The following PAK5 variants were observed in gnomAD, a reference collection of about 807,000 sequenced individuals.
The protein encoded by PAK5 is p21 (RAC1) activated kinase 5.
A neutral mutation model predicts 65.9 loss-of-function variants in PAK5; 16 were observed. That is an observed-to-expected ratio of 0.24 (90% confidence interval 0.16 to 0.37). PAK5 has a LOEUF of 0.37. Among genes scored for constraint, PAK5 ranks in the 10% least tolerant of loss-of-function variants. PAK5 has a pLI of 1.00. For missense variants in PAK5, 785 were observed against 903.9 expected (o/e 0.87, Z 1.69); for synonymous variants, 371 against 354.9 (o/e 1.05, Z -0.51).
intron 2 of PAK5, among the ~76,000 whole-genome samples, chr20:9,682,745 T>G (rs975467936): frequency 6.6e-6 from 1 of 152,084 alleles, no homozygotes; most frequent in Non-Finnish European, 1.5e-5. Context: ...CTTAAATAGG[T>G]GTAAGAAGGG....
intron 1 of PAK5, among the ~76,000 whole-genome samples, chr20:9,811,178 TC>T (rs1376893745): frequency 2.0e-5 from 3 of 152,110 alleles, no homozygotes; most frequent in African/African-American, 7.2e-5. Context: ...TGGCCAATGA[TC>T]CCCTCCTTAT....
At chr20:9,672,664 A>T (rs2047516116) in intron 2 of PAK5, among the ~76,000 whole-genome samples, 1 of 152,052 alleles carries the variant, frequency 6.6e-6, no homozygotes, top group Non-Finnish European at 1.5e-5. Context: ...CTTACAAATT[A>T]CCCAGTCTCG....
chr20:9,552,285 A>G (rs1216086412), intron 7 of PAK5, among the ~76,000 whole-genome samples: 1 of 152,212 alleles, frequency 6.6e-6, no homozygotes, highest in African/African-American at 2.4e-5. Context: ...GAATTTGTCA[A>G]AGTCAGTCAC....
In PAK5 at chr20:9,597,144, C is replaced by T. The variant is rs190103312; in HGVS notation, c.205-16214G>A. On this transcript the variant is annotated intron_variant, in intron 3 of 9. Transcript: ENST00000353224. ...CTAGTGCAAGTTCCATCTGTGGCAACTATGAAGCCTTCACCAAATCACTTT... is the reference window on the plus strand; with the variant it reads ...CTAGTGCAAGTTCCATCTGTGGCAATTATGAAGCCTTCACCAAATCACTTT... Among the ~76,000 whole-genome samples, 435 of 152,346 alleles carry T rather than the reference C, an allele frequency of 2.9e-3. 3 individuals are homozygous for T. Among genetic ancestry groups the T allele is most frequent in the Middle Eastern group, 0.017 (5 of 294 alleles).
At position 9,553,080 on chromosome 20, in the gene PAK5, C is replaced by A. The variant is rs146070949; in HGVS notation, c.1743+4528G>T. On this transcript the variant is annotated intron_variant, in intron 7 of 9. Coordinates refer to ENST00000353224, the MANE Select transcript of PAK5 (RefSeq NM_177990.4). ...TCCACAGGAAGTTGCAACGTGCACC[C>A]GTCTCTCCCTAGTATTCGCATCTTA... Among the ~76,000 whole-genome samples, 775 of 152,158 alleles carry A rather than the reference C, an allele frequency of 5.1e-3. 4 individuals are homozygous for A. Among genetic ancestry groups the A allele is most frequent in the East Asian group, 0.032 (167 of 5,168 alleles).
At chr20:9,609,078 C>G (rs923734128) in intron 3 of PAK5, among the ~76,000 whole-genome samples, 2 of 152,136 alleles carry the variant, frequency 1.3e-5, no homozygotes, top group East Asian at 3.8e-4. Flanking sequence ...ATGAGAGAAC[C>G]GCTTCTCTTT....
chr20:9,742,578 C>T (rs943150600), intron 1 of PAK5, among the ~76,000 whole-genome samples: 1 of 152,208 alleles, frequency 6.6e-6, no homozygotes, highest in South Asian at 2.1e-4. Flanking sequence ...ATTCCACTCA[C>T]AACCTTTGCT....
At chr20:9,706,361 G>C (rs2048006909) in intron 2 of PAK5, among the ~76,000 whole-genome samples, 1 of 152,152 alleles carries the variant, frequency 6.6e-6, no homozygotes, top group East Asian at 1.9e-4. Flanking sequence ...GTCACATGCT[G>C]AAAAGTTATT....
At chr20:9,603,649 A>G (rs1200806134) in intron 3 of PAK5, among the ~76,000 whole-genome samples, 1 of 152,242 alleles carries the variant, frequency 6.6e-6, no homozygotes, top group African/African-American at 2.4e-5. Context: ...CTGACTCCAG[A>G]TAGCTTATGG....
At position 9,815,421 on chromosome 20, in the gene PAK5, T is replaced by C. The variant is rs73600264; in HGVS notation, c.-162+23341A>G. On this transcript the variant is annotated intron_variant, in intron 1 of 9. Transcript: ENST00000353224. ...GAAGAAAGTCATGATTAGGCCTCAG[T>C]TGACATTACTGGGCCATCCCTCCCT... Among the ~76,000 whole-genome samples, 595 of 152,240 alleles carry C rather than the reference T, an allele frequency of 3.9e-3. 12 individuals are homozygous for C. Among genetic ancestry groups the C allele is most frequent in the East Asian group, 0.035 (181 of 5,184 alleles).
rs140088329 is a variant in PAK5, at chr20:9,683,226, C to T, written c.-12+28060G>A. On this transcript the variant is annotated intron_variant, in intron 2 of 9. Coordinates refer to ENST00000353224, the MANE Select transcript of PAK5 (RefSeq NM_177990.4). The stretch of plus-strand genomic sequence containing the variant: ...GGTTCCTGCCTCTGGCTCTGTTCTC[C>T]GAAGGAATGGAAAAATACATGCCCC... Among the ~76,000 whole-genome samples, 372 of 152,272 alleles carry T rather than the reference C, an allele frequency of 2.4e-3. 3 individuals carry two copies. Among genetic ancestry groups the T allele is most frequent in the African/African-American group, 8.6e-3 (359 of 41,558 alleles).
rs530693725 is a variant in PAK5 at position 9,714,437 on chromosome 20, G to A, written c.-161-3002C>T. ...TTCTGTAAAAATGCAACTACTCTGT[G>A]AGAGGTACAATGGAGAGATCACACT... On this transcript the variant is annotated intron_variant, in intron 1 of 9. Transcript: ENST00000353224. Among the ~76,000 whole-genome samples, 25 of 152,188 alleles carry A rather than the reference G, an allele frequency of 1.6e-4. 1 individual carries two copies. In the South Asian group the frequency reaches 4.6e-3, roughly 28 times the overall value.
intron 1 of PAK5, among the ~76,000 whole-genome samples, chr20:9,749,529 G>A (rs1412351636): frequency 6.6e-6 from 1 of 152,108 alleles, no homozygotes; most frequent in Non-Finnish European, 1.5e-5. Flanking sequence ...GAAAGCAGAC[G>A]ATAAATGAGG....
intron 7 of PAK5, among the ~76,000 whole-genome samples, chr20:9,554,009 TA>T (rs1283681292): frequency 2.2e-4 from 34 of 152,358 alleles, no homozygotes; most frequent in African/African-American, 8.2e-4. Context: ...TTTTTCATTT[TA>T]GTCATTCTTA....
intron 2 of PAK5, among the ~76,000 whole-genome samples, chr20:9,649,419 T>A (rs1182314793): frequency 7.2e-5 from 11 of 152,198 alleles, no homozygotes; most frequent in Admixed American, 6.5e-4. Flanking sequence ...CCTATGTTCT[T>A]CTATGAAATA....
chr20:9,635,891 G>T (rs1029624931), intron 3 of PAK5, among the ~76,000 whole-genome samples: 2 of 152,172 alleles, frequency 1.3e-5, no homozygotes, highest in African/African-American at 4.8e-5. Flanking sequence ...AGTCATGAGG[G>T]GGCAGCCCCA....
chr20:9,818,499 C>T (rs1413992088), intron 1 of PAK5, among the ~76,000 whole-genome samples: 1 of 152,166 alleles, frequency 6.6e-6, no homozygotes, highest in African/African-American at 2.4e-5. Context: ...CCTCCATTAA[C>T]ATGGGAACAG....
intron 2 of PAK5, among the ~76,000 whole-genome samples, chr20:9,677,528 C>T (rs774144625): frequency 4.6e-5 from 7 of 152,110 alleles, no homozygotes; most frequent in Non-Finnish European, 7.3e-5. Context: ...TCCAGCAACC[C>T]CTCCATTGTA....
chr20:9,546,690 C>G (rs2045349786), intron 7 of PAK5, among the ~76,000 whole-genome samples: 1 of 152,140 alleles, frequency 6.6e-6, no homozygotes, highest in South Asian at 2.1e-4. Context: ...ATAGCAGCAG[C>G]TAGGACACAA....
Sources: gnomAD v4.1 joint callset for allele counts (sites outside exome capture counted in the v4.1 genomes callset) on GRCh38, gnomAD v4.1.1 for gene constraint, MANE v1.5 for transcripts, NCBI Gene and HGNC (gene_info 2026-07-23, HGNC 2026-07-21) for gene names.